Variants in SHLD1 observed in about 807,000 individuals in gnomAD.
SHLD1 encodes the protein shieldin complex subunit 1.
A neutral mutation model predicts 5.5 loss-of-function variants in SHLD1; 3 were observed. That is an observed-to-expected ratio of 0.54 (90% CI 0.25 to 1.40). The LOEUF (loss-of-function observed/expected upper bound fraction) is 1.40. Among genes scored for constraint, SHLD1 ranks in the 40% most tolerant of loss-of-function variants. The pLI, the probability that SHLD1 is intolerant of heterozygous loss-of-function variation, is 0.15. For synonymous variants in SHLD1, 92 were observed against 94.3 expected (o/e 0.98, Z 0.14); for missense variants, 210 against 244.4 (o/e 0.86, Z 0.94).
intron 2 of SHLD1, among the ~76,000 whole-genome samples, chr20:5,786,782 A>G (rs930924323): frequency 2.0e-4 from 30 of 152,088 alleles, no homozygotes; most frequent in South Asian, 2.1e-4. Flanking sequence ...TTTTTGTTCA[A>G]TCATATTTCT....
intron 2 of SHLD1, among the ~76,000 whole-genome samples, chr20:5,797,536 C>CT (rs928534411): frequency 5.3e-5 from 8 of 150,852 alleles, no homozygotes; most frequent in African/African-American, 1.9e-4. Context: ...GCACTCCAGT[C>CT]TGAGTGACAG....
At chr20:5,859,322 C>A (rs1164504492) in intron 2 of SHLD1, among the ~76,000 whole-genome samples, 8 of 152,140 alleles carry the variant, frequency 5.3e-5, no homozygotes, top group Non-Finnish European at 1.5e-5. Context: ...GGGAGATGGA[C>A]CATTCTTTGT....
intron 2 of SHLD1, among the ~76,000 whole-genome samples, chr20:5,862,520 C>T (rs1280415326): frequency 2.0e-5 from 3 of 152,270 alleles, no homozygotes; most frequent in Non-Finnish European, 4.4e-5. Context: ...AACTCAACTA[C>T]TCATCAAGCT....
chr20:5,813,343 A>T (rs1348472951), intron 2 of SHLD1, among the ~76,000 whole-genome samples: 5 of 151,990 alleles, frequency 3.3e-5, no homozygotes, highest in Non-Finnish European at 7.4e-5. Flanking sequence ...CAAAAAAAAT[A>T]GCGAGGCGTG....
chr20:5,770,476 G>A (rs1985093664), intron 1 of SHLD1, among the ~76,000 whole-genome samples: 1 of 152,092 alleles, frequency 6.6e-6, no homozygotes, highest in Non-Finnish European at 1.5e-5. Context: ...CTTCTCAAAG[G>A]CCTTCAGTAT....
chr20:5,809,494 A>G (rs1281794726), intron 2 of SHLD1, among the ~76,000 whole-genome samples: 1 of 152,050 alleles, frequency 6.6e-6, no homozygotes, highest in Non-Finnish European at 1.5e-5. Flanking sequence ...AGCTTGCTCC[A>G]GAGGTTATTG....
chr20:5,826,837 G>T (rs2087671128), intron 2 of SHLD1, among the ~76,000 whole-genome samples: 3 of 152,130 alleles, frequency 2.0e-5, no homozygotes, highest in Admixed American at 6.5e-5. Flanking sequence ...GGGGAAGAGG[G>T]CCTGGCACGC....
chr20:5,807,242 C>T (rs1186598304), intron 2 of SHLD1, among the ~76,000 whole-genome samples: 1 of 152,202 alleles, frequency 6.6e-6, no homozygotes, highest in African/African-American at 2.4e-5. Context: ...GAAAATTCCT[C>T]GTAATACCCA....
intron 2 of SHLD1, among the ~76,000 whole-genome samples, chr20:5,813,107 C>G (rs1461578267): frequency 6.6e-6 from 1 of 151,972 alleles, no homozygotes; most frequent in Non-Finnish European, 1.5e-5. Flanking sequence ...AACTTCTGGG[C>G]TCAAGTGATC....
chr20:5,833,804 A>T (rs1413391330), intron 2 of SHLD1, among the ~76,000 whole-genome samples: 1 of 133,496 alleles, frequency 7.5e-6, no homozygotes, highest in Non-Finnish European at 1.6e-5. Context: ...AGAGAGAAAG[A>T]GAGAGGGGGC....
intron 1 of SHLD1, among the ~76,000 whole-genome samples, chr20:5,768,346 T>G (rs1984960866): frequency 6.6e-6 from 1 of 152,218 alleles, no homozygotes. Context: ...TCTTCCTGAG[T>G]GCACACTTTC....
chr20:5,844,376 C>G (rs942836032), intron 2 of SHLD1, among the ~76,000 whole-genome samples: 1 of 152,224 alleles, frequency 6.6e-6, no homozygotes, highest in Admixed American at 6.5e-5. Context: ...ACAAAAACCA[C>G]TGCCACCATC....
intron 2 of SHLD1, among the ~76,000 whole-genome samples, chr20:5,803,080 C>T (rs918412763): frequency 1.3e-5 from 2 of 152,082 alleles, no homozygotes; most frequent in Admixed American, 6.6e-5. Flanking sequence ...CAAGAGGGGC[C>T]GTATTTCAAT....
intron 1 of SHLD1, among the ~76,000 whole-genome samples, chr20:5,751,727 A>G (rs1436690533): frequency 6.6e-6 from 1 of 152,214 alleles, no homozygotes; most frequent in Non-Finnish European, 1.5e-5. Context: ...AGTATGATTG[A>G]CCATCGCCCA....
Position 5,830,069 on chromosome 20 carries a change from A to G in SHLD1, c.179-32955A>G, listed in dbSNP as rs568378378. Among the ~76,000 whole-genome samples, 5 of 152,330 alleles carry G rather than the reference A, an allele frequency of 3.3e-5. No homozygotes were observed. The South Asian group carries it at 1.0e-3, about 32-fold the overall frequency. ...GCCCTCAGTTCTCAGATAAGCTGTT[A>G]TACCTATTTGCAGTTTCTTCAAAAG... On this transcript the variant is annotated intron_variant, in intron 2 of 2. Coordinates refer to ENST00000303142, the MANE Select transcript of SHLD1 (RefSeq NM_152504.4).
chr20:5,778,289 T>G (rs1171467634), intron 2 of SHLD1, among the ~76,000 whole-genome samples: 5 of 150,654 alleles, frequency 3.3e-5, no homozygotes, highest in Non-Finnish European at 5.9e-5. Flanking sequence ...GCTAGTTTTT[T>G]TTTTTTTTTT....
intron 2 of SHLD1, among the ~76,000 whole-genome samples, chr20:5,836,008 G>T (rs1303279090): frequency 6.6e-6 from 1 of 151,984 alleles, no homozygotes; most frequent in Non-Finnish European, 1.5e-5. Context: ...GCAGGACCAG[G>T]AGTTATTCAG....
At chr20:5,811,857 GA>G (rs58643272) in intron 2 of SHLD1, among the ~76,000 whole-genome samples, 53,439 of 144,352 alleles carry the variant, frequency 0.37, 10,316 homozygotes, top group East Asian at 0.45. Flanking sequence ...CTGTGTCTCT[GA>G]AAAAAAAAAA....
intron 2 of SHLD1, among the ~76,000 whole-genome samples, chr20:5,814,902 C>G (rs770298411): frequency 4.6e-5 from 7 of 152,064 alleles, no homozygotes; most frequent in Admixed American, 1.3e-4. Flanking sequence ...ATCTGCCCAC[C>G]TTGGCCTCCC....
Sources: gnomAD v4.1 joint callset for allele counts (sites outside exome capture counted in the v4.1 genomes callset) on GRCh38, gnomAD v4.1.1 for gene constraint, MANE v1.5 for transcripts, NCBI Gene and HGNC (gene_info 2026-07-23, HGNC 2026-07-21) for gene names.